STARD9: variants seen among roughly 807,000 people sequenced by gnomAD.
STARD9 encodes the protein StAR related lipid transfer domain containing 9.
STARD9 carries 346 observed loss-of-function variants against 399.8 expected under a neutral mutation model. The observed-to-expected ratio is 0.87, with a 90% CI of 0.79 to 0.95. The LOEUF is 0.95. STARD9 is among the 40% of genes least tolerant of loss of function. STARD9 has a pLI of 0.00. For synonymous variants in STARD9, 2,203 were observed against 2,143.5 expected (o/e 1.03, Z -0.77); for missense variants, 5,832 against 5,667.5 (o/e 1.03, Z -0.93).
At chr15:42,640,250 G>A (rs1010157198) in intron 7 of STARD9, among the ~76,000 whole-genome samples, 16 of 152,264 alleles carry the variant, frequency 1.1e-4, no homozygotes, top group African/African-American at 3.6e-4. Flanking sequence ...GATAAGGAGC[G>A]GGACATGAAC....
rs758124786 is a variant in STARD9, at chr15:42,689,988, G to T, written c.8410G>T (p.Ala2804Ser). ...AGTTTCAGATAATTTGTTAGTGACT[G>T]CACAGGGAGAAAAAACAGCCCATTT... is the stretch of plus-strand genomic sequence containing the variant. ...GEVSDNLLVT[A>S]QGEKTAHFES... The change falls in exon 23 of 33, where the codon GCA becomes TCA. Residue 2804 changes from alanine (A) to serine (S), a missense_variant. Physicochemically the swap from Ala to Ser is moderately conservative, Grantham distance 99 (BLOSUM62 1). Coordinates refer to ENST00000290607, the MANE Select transcript of STARD9 (RefSeq NM_020759.3). 6.6e-5 allele frequency: 102 copies of T among 1,537,316 alleles called. No individual in the cohort carries two copies. Among genetic ancestry groups the T allele is most frequent in the Middle Eastern group, 1.7e-4 (1 of 6,016 alleles).
chr15:42,702,318 C>T (rs905118199), intron 26 of STARD9, among the ~76,000 whole-genome samples: 2 of 152,052 alleles, frequency 1.3e-5, no homozygotes, highest in South Asian at 4.1e-4. Flanking sequence ...ATTCTCCTGC[C>T]TCAGCCTCCT....
chr15:42,575,651 C>A lies in STARD9; in HGVS notation c.-65C>A. ...GGGCTGGGTTGGGGCTGTGTCTGGGCTTAGGGCGGGGGCCTGGGATGCTGC... is the reference window on the plus strand; with the variant it reads ...GGGCTGGGTTGGGGCTGTGTCTGGGATTAGGGCGGGGGCCTGGGATGCTGC... On this transcript the variant is annotated 5_prime_UTR_variant, in exon 1 of 33. Transcript: ENST00000290607. The A allele has an allele frequency of 6.6e-7, 1 of 1,513,594 alleles. No individual in the cohort carries two copies. Among genetic ancestry groups the A allele is most frequent in the Non-Finnish European group, 8.9e-7 (1 of 1,127,898 alleles). The allele number at this position is 1,513,594 out of a possible 1,614,324, so 93.8% of individuals were successfully genotyped here. A position where few individuals can be genotyped will look rare whatever the true frequency, so the allele number is the denominator to read the frequency against.
chr15:42,688,331 T>G lies in STARD9; in HGVS notation c.6753T>G (p.Gly2251=), dbSNP rs1324134160. 2 of 1,537,096 alleles carry G rather than the reference T, an allele frequency of 1.3e-6. No homozygotes were observed. Among genetic ancestry groups the G allele is most frequent in the Admixed American group, 3.9e-5 (2 of 50,972 alleles). Reference sequence around the variant, plus strand: ...TTGAGGAATTGGAGACTGTGAAAGGTTTTCAGGAAAGCCAAGTAGCTGAAC... The same window carrying G: ...TTGAGGAATTGGAGACTGTGAAAGGGTTTCAGGAAAGCCAAGTAGCTGAAC... ...GSLEELETVK[G]FQESQVAEHV... Residue 2251 remains glycine (G), a synonymous_variant, in exon 23 of 33, where the codon GGT becomes GGG. Coordinates refer to ENST00000290607, the MANE Select transcript of STARD9 (RefSeq NM_020759.3).
Position 42,669,056 on chromosome 15 carries a change from G to A in STARD9, c.1318-102G>A, listed in dbSNP as rs947472955. 7 of 1,027,622 alleles carry A rather than the reference G, an allele frequency of 6.8e-6. No homozygotes were observed. The Admixed American group carries it at 1.5e-4, about 22-fold the overall frequency. 63.7% of individuals were successfully genotyped at this position (1,027,622 alleles called of 1,614,324 possible). ...TGAATAGTATCTGGGAGGATCATAA[G>A]AAAGCAGTACCCTGGGGAAATAGGA... On this transcript the variant is annotated intron_variant, in intron 15 of 32. Coordinates refer to ENST00000290607, the MANE Select transcript of STARD9 (RefSeq NM_020759.3).
intron 26 of STARD9, among the ~76,000 whole-genome samples, chr15:42,699,342 G>A (rs933035764): frequency 4.7e-5 from 7 of 149,882 alleles, no homozygotes; most frequent in South Asian, 4.2e-4. Context: ...CCCAGCCTCT[G>A]GTAACCACTA....
intron 3 of STARD9, among the ~76,000 whole-genome samples, chr15:42,626,083 G>T (rs989780390): frequency 1.1e-4 from 17 of 151,828 alleles, no homozygotes; most frequent in African/African-American, 4.1e-4. Flanking sequence ...CACCACGCCT[G>T]GCTAATTGTT....
chr15:42,646,864 CTT>C (rs2059656051), intron 7 of STARD9, among the ~76,000 whole-genome samples: 1 of 152,180 alleles, frequency 6.6e-6, no homozygotes, highest in Non-Finnish European at 1.5e-5. Context: ...ATGAGAGACT[CTT>C]TCACTTGGAC....
chr15:42,583,518 G>A (rs2058215408), intron 2 of STARD9, 103 bp downstream of exon 2: 10 of 791,700 alleles, frequency 1.3e-5, no homozygotes, highest in Middle Eastern at 2.4e-4. Context: ...TAGAGTTGGG[G>A]AGGAAGGGGT....
In STARD9 at chr15:42,634,891, A is replaced by G; in HGVS notation, c.270A>G (p.Gly90=). 6.5e-7 allele frequency: 1 copy of G among 1,536,482 alleles called. No individual in the cohort carries two copies. The highest frequency in any genetic ancestry group is 1.2e-5 in the South Asian group (1 of 83,956). Reference sequence around the variant, plus strand: ...ATTTAGGGATGGAAGTACTGTCTGGAGTTGCCAAAGGCTATAACATATGCC... The same window carrying G: ...ATTTAGGGATGGAAGTACTGTCTGGGGTTGCCAAAGGCTATAACATATGCC... The part of the protein sequence containing the change: ...FQDLGMEVLS[G]VAKGYNICLF... The change falls in exon 4 of 33, where the codon GGA becomes GGG. Residue 90 remains glycine, a synonymous_variant. Coordinates refer to ENST00000290607, the MANE Select transcript of STARD9 (RefSeq NM_020759.3).
chr15:42,626,953 C>T (rs1423104958), intron 3 of STARD9, among the ~76,000 whole-genome samples: 3 of 151,766 alleles, frequency 2.0e-5, no homozygotes, highest in East Asian at 1.9e-4. Context: ...GCGGCTAAAG[C>T]GATCCTTCAA....
Position 42,674,447 on chromosome 15 carries a change from C to T in STARD9, c.1505C>T (p.Thr502Ile). The change falls in exon 17 of 33, where the codon ACA (threonine) becomes ATA (isoleucine). Residue 502 changes from threonine (T) to isoleucine (I), a missense_variant. Coordinates refer to ENST00000290607, the MANE Select transcript of STARD9 (RefSeq NM_020759.3). ...GVVLYHLKEG[T>I]TKIGRIDSDQ... ...GCTTTTTTCCCCCTTTAGGAAGGGA[C>T]AACAAAAATAGGAAGGATTGACTCA... 6.5e-7 allele frequency: 1 copy of T among 1,536,978 alleles called. No individual in the cohort carries two copies. The highest frequency in any genetic ancestry group is 8.7e-7 in the Non-Finnish European group (1 of 1,146,768).
In STARD9 at chr15:42,692,054, C is replaced by G. The variant is rs910058260; in HGVS notation, c.10476C>G (p.Val3492=). ...AGCAGTATATGTCTGGCAGTGCAGTCGATGTTTCCTGCAGCCAGAAGCCCC... is the reference window on the plus strand; with the variant it reads ...AGCAGTATATGTCTGGCAGTGCAGTGGATGTTTCCTGCAGCCAGAAGCCCC... The part of the protein sequence containing the change: ...SWKQYMSGSA[V]DVSCSQKPQG... The change falls in exon 23 of 33, where the codon GTC becomes GTG. Residue 3492 remains valine (V), a synonymous_variant. Transcript: ENST00000290607. The G allele has an allele frequency of 1.3e-6, 2 of 1,537,190 alleles. No individual in the cohort carries two copies. The highest frequency in any genetic ancestry group is 8.7e-7 in the Non-Finnish European group (1 of 1,146,904).
At position 42,663,327 on chromosome 15, in the gene STARD9, A is replaced by C; in HGVS notation, c.915A>C (p.Ser305=). 1 of 1,537,366 alleles carries C rather than the reference A, an allele frequency of 6.5e-7. No homozygotes were observed. Among genetic ancestry groups the C allele is most frequent in the Non-Finnish European group, 8.7e-7 (1 of 1,146,896 alleles). ...GCAGCTGCCAGAGCCTCAACAGCTC[A>C]GTCAGCAATGGTGGTGACAGTGGGA... ...VFSSCQSLNS[S]VSNGGDSGIL... The change falls in exon 12 of 33, where the codon TCA becomes TCC. Residue 305 remains serine (S), a synonymous_variant. Transcript: ENST00000290607.
In STARD9 at chr15:42,690,131, C is replaced by T; in HGVS notation, c.8553C>T (p.Pro2851=). Residue 2851 remains proline, a synonymous_variant, in exon 23 of 33, where the codon CCC becomes CCT. Transcript: ENST00000290607. ...GCTTTGAAGAAGGTAGGGCAAGTCC[C>T]AAACAAGATACCATTCTGCCTGGAG... ...STGFEEGRAS[P]KQDTILPGAL... is the part of the protein sequence containing the mutation. The T allele has an allele frequency of 2.0e-6, 3 of 1,537,790 alleles. No individual in the cohort carries two copies. Among genetic ancestry groups the T allele is most frequent in the East Asian group, 2.4e-5 (1 of 40,918 alleles).
chr15:42,627,233 C>A (rs2059244103), intron 3 of STARD9, among the ~76,000 whole-genome samples: 1 of 152,066 alleles, frequency 6.6e-6, no homozygotes, highest in African/African-American at 2.4e-5. Flanking sequence ...GAAGTTGAGG[C>A]TGCAGTAAGC....
At position 42,684,642 on chromosome 15, in the gene STARD9, G is replaced by T. The variant is rs1056993421; in HGVS notation, c.3064G>T (p.Gly1022Ter). The change falls in exon 23 of 33, where the codon GGA becomes TGA. Residue 1022 changes from glycine (G) to a stop codon, truncating the protein, a stop_gained. Transcript: ENST00000290607. LOFTEE classifies it high-confidence loss of function. The stretch of plus-strand genomic sequence containing the variant: ...TGGACCCAGGCAGACTGCTGGGCAC[G>T]GAAAGGCAGTCAAGACTTTTTGGAC... Reference protein sequence around the residue: ...PHGPRQTAGHGKAVKTFWTEY... With the variant: ...PHGPRQTAGH The T allele has an allele frequency of 1.4e-5, 22 of 1,537,116 alleles. No individual in the cohort carries two copies. The highest frequency in any genetic ancestry group is 1.7e-5 in the Non-Finnish European group (20 of 1,146,888).
At position 42,665,277 on chromosome 15, in the gene STARD9, G is replaced by A. The variant is rs941828125; in HGVS notation, c.1201G>A (p.Glu401Lys). 7.8e-6 allele frequency: 12 copies of A among 1,536,936 alleles called. No individual in the cohort carries two copies. In the African/African-American group the frequency reaches 1.5e-4, roughly 19 times the overall value. ...GGATGCAAACTTAAAACTGATTAGA[G>A]AACTCAGAGAAGAGATTGAAAGACT... The part of the protein sequence containing the change: ...NEDANLKLIR[E>K]LREEIERLKA... The change falls in exon 14 of 33, where the codon GAA (glutamate) becomes AAA (lysine). Residue 401 changes from glutamate (E) to lysine (K), a missense_variant. Around this residue, in one of 2 missense-constraint regions of STARD9, gnomAD observed 5,828 missense variants for 5,651.1 expected, o/e 1.03. Transcript: ENST00000290607.
Position 42,684,396 on chromosome 15 carries a change from C to T in STARD9, c.2818C>T (p.Gln940Ter). ...GIQEMEMGVK[Q>*]PHQMVSQGLA... The stretch of plus-strand genomic sequence containing the variant: ...CCAGGAAATGGAGATGGGGGTTAAG[C>T]AGCCCCATCAGATGGTGAGCCAGGG... Residue 940 changes from glutamine (Q) to a stop codon, truncating the protein, a stop_gained, in exon 23 of 33, where the codon CAG becomes TAG. Transcript: ENST00000290607. LOFTEE classifies it high-confidence loss of function. 2 of 1,537,148 alleles carry T rather than the reference C, an allele frequency of 1.3e-6. No individual in the cohort carries two copies. The highest frequency in any genetic ancestry group is 3.9e-5 in the Admixed American group (2 of 51,004).
Sources: allele counts gnomAD v4.1 joint callset (sites outside exome capture counted in the v4.1 genomes callset), GRCh38; gene constraint gnomAD v4.1.1; regional missense constraint gnomAD v4.1.1; transcripts MANE v1.5; gene names NCBI Gene and HGNC (gene_info 2026-07-23, HGNC 2026-07-21).